The following MYO6 variants were observed in gnomAD, a reference collection of about 807,000 sequenced individuals.
The protein encoded by MYO6 is unconventional myosin-VI.
A neutral mutation model predicts 178.7 loss-of-function variants in MYO6; 74 were observed. That is an observed-to-expected ratio of 0.41 (90% CI 0.34 to 0.50). The LOEUF is 0.50. MYO6 is among the 20% of genes least tolerant of loss of function. MYO6 has a pLI of 0.09. For missense variants in MYO6, 1,330 were observed against 1,547.4 expected, an observed-to-expected ratio of 0.86 and a Z score of 2.36; for synonymous variants, 477 against 504.6, an observed-to-expected ratio of 0.95 and a Z score of 0.73.
At chr6:75,755,654 A>G (rs1396178924) in intron 1 of MYO6, among the ~76,000 whole-genome samples, 1 of 152,190 alleles carries the variant, frequency 6.6e-6, no homozygotes, top group Non-Finnish European at 1.5e-5. Context: ...ATTGGTAGTG[A>G]TCCGATAGTT....
chr6:75,782,904 G>T (rs1302958890), intron 1 of MYO6, among the ~76,000 whole-genome samples: 1 of 143,352 alleles, frequency 7.0e-6, no homozygotes, highest in African/African-American at 2.7e-5. Flanking sequence ...CAGTTAGCTA[G>T]TTAGCTTTTT....
chr6:75,908,912 C>T (rs768203405), intron 32 of MYO6, among the ~76,000 whole-genome samples: 4 of 152,124 alleles, frequency 2.6e-5, no homozygotes, highest in Non-Finnish European at 5.9e-5. Context: ...CACACAAACA[C>T]GTGCACACAC....
chr6:75,784,844 G>A (rs545448332), intron 1 of MYO6, among the ~76,000 whole-genome samples: 1 of 150,704 alleles, frequency 6.6e-6, no homozygotes, highest in African/African-American at 2.5e-5. Flanking sequence ...TGAAGATTGC[G>A]GGGTGTAGCT....
chr6:75,795,821 A>G (rs1768756926), intron 1 of MYO6, among the ~76,000 whole-genome samples: 1 of 152,224 alleles, frequency 6.6e-6, no homozygotes, highest in African/African-American at 2.4e-5. Flanking sequence ...AGGGCAAGTG[A>G]TGAATAGATC....
intron 25 of MYO6, among the ~76,000 whole-genome samples, chr6:75,887,397 A>T (rs990344986): frequency 6.6e-6 from 1 of 152,142 alleles, no homozygotes; most frequent in Non-Finnish European, 1.5e-5. Context: ...TAATCCCAGC[A>T]CTTTGGGATG....
intron 30 of MYO6, among the ~76,000 whole-genome samples, chr6:75,900,897 A>C (rs1267775405): frequency 1.3e-5 from 2 of 149,658 alleles, no homozygotes; most frequent in Admixed American, 6.7e-5. Flanking sequence ...ATCCATCTTG[A>C]ATTGATTTTT....
chr6:75,850,973 A>C (rs1254483419), intron 11 of MYO6, among the ~76,000 whole-genome samples: 1 of 151,942 alleles, frequency 6.6e-6, no homozygotes, highest in Non-Finnish European at 1.5e-5. Flanking sequence ...GAAGGATTGG[A>C]AAATTTGTTT....
intron 30 of MYO6, among the ~76,000 whole-genome samples, chr6:75,899,946 T>C (rs1779615461): frequency 7.0e-6 from 1 of 142,338 alleles, no homozygotes; most frequent in South Asian, 2.3e-4. Flanking sequence ...CCATGTGTTC[T>C]CATTGTTCAG....
At chr6:75,767,357 C>G (rs944646585) in intron 1 of MYO6, among the ~76,000 whole-genome samples, 21 of 151,724 alleles carry the variant, frequency 1.4e-4, no homozygotes, top group African/African-American at 4.8e-4. Flanking sequence ...GCATTCCTGT[C>G]TTTAAGTGAG....
At chr6:75,905,252 A>C (rs1454250822) in intron 30 of MYO6, among the ~76,000 whole-genome samples, 1 of 152,196 alleles carries the variant, frequency 6.6e-6, no homozygotes, top group Non-Finnish European at 1.5e-5. Flanking sequence ...GATGCTTCCC[A>C]GTTGGAGCTT....
In MYO6 at chr6:75,914,277, G is replaced by A; in HGVS notation, c.3654G>A (p.Val1218=). The change falls in exon 34 of 35, where the codon GTG becomes GTA. Residue 1218 remains valine, a synonymous_variant. Transcript: ENST00000369977. ...CTGACAAGCCACCCATCCTACTTGT[G>A]GCTGGTGTGTATGATTCACATGGAA... ...LHPDKPPILL[V]AGKDDMEMCE... is the part of the protein sequence containing the mutation. The A allele has an allele frequency of 6.2e-7, 1 of 1,614,080 alleles. No individual in the cohort carries two copies. The highest frequency in any genetic ancestry group is 8.5e-7 in the Non-Finnish European group (1 of 1,179,992).
intron 1 of MYO6, among the ~76,000 whole-genome samples, chr6:75,770,976 TATAAG>T (rs1176842410): frequency 2.0e-5 from 3 of 152,038 alleles, no homozygotes; most frequent in African/African-American, 4.8e-5. Context: ...ATGTGTAAGC[TATAAG>T]ATAACAGCAC....
intron 13 of MYO6, among the ~76,000 whole-genome samples, chr6:75,858,683 CTTAT>C (rs1470801855): frequency 6.6e-6 from 1 of 152,022 alleles, no homozygotes; most frequent in African/African-American, 2.4e-5. Flanking sequence ...TGAGAAACAC[CTTAT>C]TTGTCAACTG....
chr6:75,809,120 G>A (rs972893905), intron 1 of MYO6, among the ~76,000 whole-genome samples: 9 of 152,292 alleles, frequency 5.9e-5, no homozygotes, highest in African/African-American at 2.2e-4. Context: ...ATTTCCATGT[G>A]GGCAAATTGT....
chr6:75,909,446 T>A (rs1780595579), intron 32 of MYO6, among the ~76,000 whole-genome samples: 1 of 152,228 alleles, frequency 6.6e-6, no homozygotes, highest in Non-Finnish European at 1.5e-5. Context: ...AATATTACCT[T>A]GCTTCAGACT....
rs1265699398 is a variant in MYO6 at position 75,916,792 on chromosome 6, G to T, written c.*1780G>T. 1 of 151,968 alleles carries T rather than the reference G, an allele frequency of 6.6e-6. No individual in the cohort carries two copies. The highest frequency in any genetic ancestry group is 1.9e-4 in the East Asian group (1 of 5,194). The allele number at this position is 151,968 out of a possible 1,614,324, so 9.4% of individuals were successfully genotyped here. ...TTAGATACATTAATAGGCACTAGAT[G>T]GAAAATTAAAGAGTTAAACATATTT... On this transcript the variant is annotated 3_prime_UTR_variant, in exon 35 of 35. Coordinates refer to ENST00000369977, the MANE Select transcript of MYO6 (RefSeq NM_004999.4).
chr6:75,914,772 G>A, intron 34 of MYO6, 41 bp from the exon 35 acceptor site: 1 of 1,590,336 alleles, frequency 6.3e-7, no homozygotes, highest in Non-Finnish European at 8.6e-7. Context: ...AAATGGTCCT[G>A]AAGAGAGAGA....
In MYO6 at chr6:75,917,335, T is replaced by A. The variant is rs1781171574; in HGVS notation, c.*2323T>A. 1 of 152,708 alleles carries A rather than the reference T, an allele frequency of 6.5e-6. No homozygotes were observed. The highest frequency in any genetic ancestry group is 1.5e-5 in the Non-Finnish European group (1 of 68,052). 9.5% of individuals were successfully genotyped at this position (152,708 alleles called of 1,614,324 possible). A position where few individuals can be genotyped will look rare whatever the true frequency, so the allele number is the denominator to read the frequency against. On this transcript the variant is annotated 3_prime_UTR_variant, in exon 35 of 35. Transcript: ENST00000369977. ...TAATACCAGTTCTTTCCATAGCATA[T>A]GCTTTGCAAAGGCAGCATGCATAAA...
At chr6:75,902,333 C>A (rs1256337389) in intron 30 of MYO6, among the ~76,000 whole-genome samples, 1 of 152,042 alleles carries the variant, frequency 6.6e-6, no homozygotes, top group African/African-American at 2.4e-5. Flanking sequence ...TGGTAGAATT[C>A]GGCTGTGAAT....
Sources: allele counts gnomAD v4.1 joint callset (sites outside exome capture counted in the v4.1 genomes callset), GRCh38; gene constraint gnomAD v4.1.1; transcripts MANE v1.5; gene names NCBI Gene and HGNC (gene_info 2026-07-23, HGNC 2026-07-21).